The following ITIH2 variants were observed in gnomAD, a reference collection of about 807,000 sequenced individuals.
ITIH2 encodes inter-alpha-trypsin inhibitor heavy chain 2, also known as inter-alpha-trypsin inhibitor heavy chain H2.
In ITIH2, 103 loss-of-function variants were observed where a neutral mutation model predicts 104.4. The observed-to-expected ratio is 0.99, with a 90% confidence interval of 0.84 to 1.16. The LOEUF (loss-of-function observed/expected upper bound fraction) is 1.16. Among genes scored for constraint, ITIH2 ranks in the 50% most tolerant of loss-of-function variants. ITIH2 has a pLI of 0.00. For synonymous variants in ITIH2, 436 were observed against 435.4 expected (o/e 1.00, Z -0.02); for missense variants, 1,108 against 1,162.4 (o/e 0.95, Z 0.68).
At chr10:7,709,683 C>T (rs1834778735) in intron 4 of ITIH2, among the ~76,000 whole-genome samples, 1 of 152,162 alleles carries the variant, frequency 6.6e-6, no homozygotes, top group Admixed American at 6.5e-5. Flanking sequence ...TCACTTTTCC[C>T]AAGGCAATCA....
Position 7,704,925 on chromosome 10 carries a change from G to A in ITIH2, c.85-183G>A, listed in dbSNP as rs560966043. Among the ~76,000 whole-genome samples the A allele has an allele frequency of 1.7e-3, 263 of 150,724 alleles. 1 individual carries two copies. In the Middle Eastern group the frequency reaches 0.021, roughly 12 times the overall value. On this transcript the variant is annotated intron_variant, in intron 1 of 20. Transcript: ENST00000358415. ...ATCACACACTGGGGCCTGTCAGGGG[G>A]TGGGGGGCTAGGGGAGGGATAGCAT...
At chr10:7,718,241 T>G (rs2130944918) in intron 6 of ITIH2, among the ~76,000 whole-genome samples, 1 of 152,222 alleles carries the variant, frequency 6.6e-6, no homozygotes, top group Admixed American at 6.5e-5. Context: ...CCTCTCCTCC[T>G]CCGAGCATCT....
rs183419522 is a variant in ITIH2 at position 7,724,692 on chromosome 10, G to A, written c.984+1125G>A. 1.3e-4 allele frequency among the ~76,000 whole-genome samples: 19 copies of A among 151,950 alleles called. No homozygotes were observed. The East Asian group carries it at 3.3e-3, about 26-fold the overall frequency. ...TCCCAGGCAGGGTTTCTCAGCAGTG[G>A]GACTATTGATATTTTGGATGGGGTC... On this transcript the variant is annotated intron_variant, in intron 9 of 20. Coordinates refer to ENST00000358415, the MANE Select transcript of ITIH2 (RefSeq NM_002216.3).
chr10:7,717,725 G>A lies in ITIH2; in HGVS notation c.567G>A (p.Arg189=). The A allele has an allele frequency of 1.2e-6, 2 of 1,613,366 alleles. No homozygotes were observed. Among genetic ancestry groups the A allele is most frequent in the Non-Finnish European group, 8.5e-7 (1 of 1,179,984 alleles). The change falls in exon 6 of 21, where the codon AGG becomes AGA. Residue 189 remains arginine, a synonymous_variant. Coordinates refer to ENST00000358415, the MANE Select transcript of ITIH2 (RefSeq NM_002216.3). The stretch of plus-strand genomic sequence containing the variant: ...TTCACTACCAGGAGGTGAAGTGGAG[G>A]AAGCTGGGCTCCTATGAGCACAGGA... ...FELHYQEVKW[R]KLGSYEHRIY...
At chr10:7,707,116 C>A (rs1056734114) in intron 2 of ITIH2, 85 bp from the exon 3 acceptor site, 5 of 886,434 alleles carry the variant, frequency 5.6e-6, no homozygotes, top group African/African-American at 3.3e-5. Context: ...AATAAAATTT[C>A]TTTTTTGACT....
chr10:7,704,047 C>T (rs903726409), intron 1 of ITIH2, among the ~76,000 whole-genome samples: 2 of 152,186 alleles, frequency 1.3e-5, no homozygotes, highest in African/African-American at 4.8e-5. Context: ...CGGAAGATAG[C>T]AGGCAGGGTG....
At chr10:7,737,052 T>A (rs145337131) in intron 15 of ITIH2, among the ~76,000 whole-genome samples, 299 of 152,104 alleles carry the variant, frequency 2.0e-3, no homozygotes, top group African/African-American at 7.0e-3. Context: ...AAGCACTTGC[T>A]CCCAATCATT....
At chr10:7,748,518 A>ATTTTTTT (rs1564309292) in intron 20 of ITIH2, among the ~76,000 whole-genome samples, 10 of 29,008 alleles carry the variant, frequency 3.4e-4, no homozygotes, top group Non-Finnish European at 8.1e-4. Flanking sequence ...CCGCCAATGC[A>ATTTTTTT]TTCTTTTTTT....
chr10:7,731,266 G>A (rs1202149485), intron 12 of ITIH2, among the ~76,000 whole-genome samples: 9 of 152,184 alleles, frequency 5.9e-5, no homozygotes, highest in South Asian at 2.1e-4. Flanking sequence ...CACGCTGACC[G>A]TAACAGAAAG....
At chr10:7,748,917 A>G (rs1182603733) in intron 20 of ITIH2, among the ~76,000 whole-genome samples, 1 of 151,842 alleles carries the variant, frequency 6.6e-6, no homozygotes, top group African/African-American at 2.4e-5. Flanking sequence ...CCTTCTTTCC[A>G]TTGGCTACTG....
chr10:7,730,058 G>C lies in ITIH2; in HGVS notation c.1386G>C (p.Leu462Phe), dbSNP rs1279670469. ...GMGFDVDYDF[L>F]KRLSNENHGI... is the part of the protein sequence containing the mutation. Reference sequence around the variant, plus strand: ...GATTTGATGTGGACTATGATTTTTTGAAGAGACTGTCCAATGAAAACCATG... The same window carrying C: ...GATTTGATGTGGACTATGATTTTTTCAAGAGACTGTCCAATGAAAACCATG... The change falls in exon 12 of 21, where the codon TTG (leucine) becomes TTC (phenylalanine). Residue 462 changes from leucine to phenylalanine, a missense_variant. Leu to Phe is a conservative substitution (Grantham distance 22). Coordinates refer to ENST00000358415, the MANE Select transcript of ITIH2 (RefSeq NM_002216.3). 2 of 1,613,034 alleles carry C rather than the reference G, an allele frequency of 1.2e-6. No individual in the cohort carries two copies. The highest frequency in any genetic ancestry group is 1.7e-6 in the Non-Finnish European group (2 of 1,179,286).
intron 3 of ITIH2, among the ~76,000 whole-genome samples, chr10:7,708,327 C>A (rs1163466802): frequency 3.9e-5 from 6 of 152,202 alleles, no homozygotes; most frequent in Non-Finnish European, 8.8e-5. Context: ...AGCACACTTA[C>A]ATATGTGATT....
At chr10:7,734,769 G>A (rs909822523) in intron 14 of ITIH2, among the ~76,000 whole-genome samples, 153 bp from the exon 15 acceptor site, 5 of 152,146 alleles carry the variant, frequency 3.3e-5, no homozygotes, top group Non-Finnish European at 5.9e-5. Context: ...TCAGCTTCTC[G>A]AAGCCAGTGA....
At chr10:7,724,896 T>G (rs920195391) in intron 9 of ITIH2, among the ~76,000 whole-genome samples, 1 of 152,156 alleles carries the variant, frequency 6.6e-6, no homozygotes, top group African/African-American at 2.4e-5. Context: ...GAAACATTGC[T>G]CTAATACAAC....
rs71385664 is a variant in ITIH2, at chr10:7,719,760, C to CAAAA, written c.631-1076_631-1073dup. Among the ~76,000 whole-genome samples, 138 of 41,576 alleles carry CAAAA rather than the reference C, an allele frequency of 3.3e-3. 3 individuals carry two copies. Among genetic ancestry groups the CAAAA allele is most frequent in the East Asian group, 5.4e-3 (7 of 1,306 alleles). 27.3% of individuals were successfully genotyped at this position (41,576 alleles called of 152,430 possible). A position where few individuals can be genotyped will look rare whatever the true frequency, so the allele number is the denominator to read the frequency against. ...TGGATGGCAAAATGAGACCCTGTCT[C>CAAAA]AAAAAAAAAAAAAAAAAAAAAAAGA... On this transcript the variant is annotated intron_variant, in intron 6 of 20. Transcript: ENST00000358415.
chr10:7,705,700 TAAAAAAAAA>T (rs34935493), intron 2 of ITIH2, among the ~76,000 whole-genome samples: 2 of 131,858 alleles, frequency 1.5e-5, no homozygotes, highest in East Asian at 2.2e-4. Flanking sequence ...CCACTCCATT[TAAAAAAAAA>T]AAAAAAAAAA....
At chr10:7,703,595 A>G in intron 1 of ITIH2, 77 bp downstream of exon 1, 1 of 890,790 alleles carries the variant, frequency 1.1e-6, no homozygotes, top group Non-Finnish European at 1.9e-6. Flanking sequence ...TCGCTATTCA[A>G]TGGCCTTATT....
At chr10:7,732,949 G>A (rs575442566) in intron 14 of ITIH2, among the ~76,000 whole-genome samples, 5 of 152,086 alleles carry the variant, frequency 3.3e-5, no homozygotes, top group South Asian at 2.1e-4. Flanking sequence ...GGATGGTCTC[G>A]GTCTCCTGAC....
At chr10:7,730,671 T>A (rs1158564624) in intron 12 of ITIH2, among the ~76,000 whole-genome samples, 1 of 152,152 alleles carries the variant, frequency 6.6e-6, no homozygotes, top group African/African-American at 2.4e-5. Flanking sequence ...ATAATTTTTT[T>A]AATTAAAATA....
Sources: allele counts gnomAD v4.1 joint callset (sites outside exome capture counted in the v4.1 genomes callset), GRCh38; gene constraint gnomAD v4.1.1; transcripts MANE v1.5; gene names NCBI Gene and HGNC (gene_info 2026-07-23, HGNC 2026-07-21).